The following PLXDC2 variants were observed in gnomAD, a reference collection of about 807,000 sequenced individuals.
The protein encoded by PLXDC2 is plexin domain-containing protein 2.
A neutral mutation model predicts 68.9 loss-of-function variants in PLXDC2; 40 were observed. The observed-to-expected ratio is 0.58, with a 90% CI of 0.45 to 0.76. PLXDC2 has a LOEUF of 0.76. Among genes scored for constraint, PLXDC2 ranks in the 30% least tolerant of loss-of-function variants. The pLI, the probability that PLXDC2 is intolerant of heterozygous loss-of-function variation, is 0.00. For synonymous variants in PLXDC2, 243 were observed against 234.2 expected (o/e 1.04, Z -0.34); for missense variants, 644 against 661.9 (o/e 0.97, Z 0.30).
intron 2 of PLXDC2, among the ~76,000 whole-genome samples, chr10:20,042,922 G>A (rs138632529): frequency 9.1e-4 from 139 of 152,244 alleles, no homozygotes; most frequent in Middle Eastern, 3.4e-3. Context: ...CTAACAGTTG[G>A]TTTCCTAAAT....
intron 1 of PLXDC2, among the ~76,000 whole-genome samples, chr10:19,915,775 A>C (rs889779916): frequency 4.6e-5 from 7 of 152,080 alleles, no homozygotes; most frequent in African/African-American, 1.7e-4. Context: ...AAGAGGGTGG[A>C]CTAAGGCAAA....
intron 10 of PLXDC2, among the ~76,000 whole-genome samples, chr10:20,216,371 G>A (rs537506459): frequency 6.6e-6 from 1 of 152,076 alleles, no homozygotes; most frequent in Admixed American, 6.5e-5. Context: ...GTATCTGAAA[G>A]GAAATAATTA....
chr10:19,825,764 G>T (rs1232956094), intron 1 of PLXDC2, among the ~76,000 whole-genome samples: 4 of 152,302 alleles, frequency 2.6e-5, no homozygotes, highest in South Asian at 4.1e-4. Flanking sequence ...TACTGCTCAT[G>T]CTGAATCTAT....
chr10:20,122,290 A>G (rs1158823057), intron 4 of PLXDC2, among the ~76,000 whole-genome samples: 1 of 152,180 alleles, frequency 6.6e-6, no homozygotes, highest in Non-Finnish European at 1.5e-5. Context: ...GCCCTTGAAA[A>G]TAAGGTAATG....
chr10:20,204,149 A>T (rs1454363838), intron 9 of PLXDC2, among the ~76,000 whole-genome samples: 1 of 152,164 alleles, frequency 6.6e-6, no homozygotes, highest in Non-Finnish European at 1.5e-5. Flanking sequence ...TGTCCATTTC[A>T]TGCCTGAGGC....
chr10:20,012,034 C>T (rs1835122875), intron 2 of PLXDC2, among the ~76,000 whole-genome samples: 1 of 152,058 alleles, frequency 6.6e-6, no homozygotes, highest in Non-Finnish European at 1.5e-5. Context: ...ATGAACCTTC[C>T]CCAAAAATGT....
chr10:20,094,105 G>A (rs1357418771), intron 4 of PLXDC2, among the ~76,000 whole-genome samples: 1 of 152,150 alleles, frequency 6.6e-6, no homozygotes, highest in African/African-American at 2.4e-5. Context: ...AGGAATAGAG[G>A]AAATAATTTA....
intron 9 of PLXDC2, among the ~76,000 whole-genome samples, chr10:20,206,453 TGCCAGTTGGGTAG>T (rs897243227): frequency 5.3e-5 from 8 of 152,072 alleles, no homozygotes; most frequent in African/African-American, 1.9e-4. Context: ...GGATTGGGTT[TGCCAGTTGGGTAG>T]GCCAGCCGTA....
At chr10:20,178,696 C>T (rs1468702402) in intron 9 of PLXDC2, among the ~76,000 whole-genome samples, 1 of 152,030 alleles carries the variant, frequency 6.6e-6, no homozygotes, top group Non-Finnish European at 1.5e-5. Context: ...AATAAAATGC[C>T]GATATTTTGA....
intron 7 of PLXDC2, among the ~76,000 whole-genome samples, chr10:20,169,122 T>C (rs1219803794): frequency 6.6e-6 from 1 of 152,192 alleles, no homozygotes; most frequent in Non-Finnish European, 1.5e-5. Context: ...GCATCGCATA[T>C]TATCAGTAAA....
intron 1 of PLXDC2, among the ~76,000 whole-genome samples, chr10:19,827,422 T>C (rs1041634310): frequency 6.6e-6 from 1 of 152,222 alleles, no homozygotes; most frequent in African/African-American, 2.4e-5. Context: ...GGGCTTTTGA[T>C]TGCAATCTTA....
chr10:20,007,028 T>C (rs1384698987), intron 2 of PLXDC2, among the ~76,000 whole-genome samples: 2 of 152,204 alleles, frequency 1.3e-5, no homozygotes, highest in African/African-American at 4.8e-5. Flanking sequence ...TGTCGGGAAA[T>C]AGTCACTGCA....
chr10:20,082,091 G>GAAACTATC (rs1836577613), intron 4 of PLXDC2, among the ~76,000 whole-genome samples: 1 of 128,224 alleles, frequency 7.8e-6, no homozygotes, highest in Non-Finnish European at 1.6e-5. Context: ...AGAAGTCTGA[G>GAAACTATC]AAACTATCAC....
Position 20,001,698 on chromosome 10 carries a change from T to C in PLXDC2, c.113-77T>C, listed in dbSNP as rs1172636533. 6 of 1,356,252 alleles carry C rather than the reference T, an allele frequency of 4.4e-6. No individual in the cohort carries two copies. The East Asian group carries it at 1.4e-4, about 32-fold the overall frequency. The allele number at this position is 1,356,252 out of a possible 1,614,324, so 84.0% of individuals were successfully genotyped here. On this transcript the variant is annotated intron_variant, in intron 1 of 13. Transcript: ENST00000377252. ...TTCTCGTGCCTCACAGAATTCTTTT[T>C]TCTTCTCGAGCCGATAGCACTTGCA...
intron 9 of PLXDC2, among the ~76,000 whole-genome samples, chr10:20,197,867 G>C (rs1834863126): frequency 1.3e-5 from 2 of 152,114 alleles, no homozygotes; most frequent in African/African-American, 4.8e-5. Flanking sequence ...CATGCATTCA[G>C]CCATACTCTG....
At chr10:19,960,737 A>AT (rs1343611553) in intron 1 of PLXDC2, among the ~76,000 whole-genome samples, 1 of 148,360 alleles carries the variant, frequency 6.7e-6, no homozygotes, top group Non-Finnish European at 1.5e-5. Context: ...GCCTGATTAC[A>AT]TATTTTTTTC....
intron 1 of PLXDC2, among the ~76,000 whole-genome samples, chr10:19,995,802 C>A (rs1181035899): frequency 6.6e-6 from 1 of 152,144 alleles, no homozygotes; most frequent in Non-Finnish European, 1.5e-5. Flanking sequence ...ATTAGCTCTA[C>A]CTGGGGGAGT....
At chr10:19,976,492 C>T (rs1158392618) in intron 1 of PLXDC2, among the ~76,000 whole-genome samples, 3 of 152,286 alleles carry the variant, frequency 2.0e-5, no homozygotes, top group African/African-American at 4.8e-5. Context: ...GGATTACAGG[C>T]GTGAGCCACT....
chr10:20,215,155 G>C (rs1835119125), intron 10 of PLXDC2, among the ~76,000 whole-genome samples: 2 of 152,152 alleles, frequency 1.3e-5, no homozygotes, highest in Non-Finnish European at 2.9e-5. Flanking sequence ...AGATGGAGTT[G>C]TGAGGGAGGT....
Sources: allele counts gnomAD v4.1 joint callset (sites outside exome capture counted in the v4.1 genomes callset), GRCh38; gene constraint gnomAD v4.1.1; transcripts MANE v1.5; gene names NCBI Gene and HGNC (gene_info 2026-07-23, HGNC 2026-07-21).